NRG3: variants seen among roughly 807,000 people sequenced by gnomAD.
NRG3 encodes neuregulin 3.
NRG3 carries 31 observed loss-of-function variants against 66.9 expected under a neutral mutation model. The ratio of observed to expected loss-of-function variants is 0.46; its 90% CI spans 0.35 to 0.63. The LOEUF (loss-of-function observed/expected upper bound fraction) is 0.63. NRG3 is among the 20% of genes least tolerant of loss of function. The pLI, the probability that NRG3 is intolerant of heterozygous loss-of-function variation, is 0.00. For synonymous variants in NRG3, 393 were observed against 359.4 expected (o/e 1.09, Z -1.06); for missense variants, 910 against 878.9 (o/e 1.04, Z -0.45).
chr10:82,574,696 T>G (rs903591110), intron 2 of NRG3, among the ~76,000 whole-genome samples: 5 of 151,796 alleles, frequency 3.3e-5, no homozygotes, highest in African/African-American at 1.2e-4. Flanking sequence ...GTGGTATACA[T>G]ACATAATGCA....
At chr10:82,924,044 A>C (rs896107177) in intron 4 of NRG3, among the ~76,000 whole-genome samples, 1 of 146,374 alleles carries the variant, frequency 6.8e-6, no homozygotes, top group African/African-American at 2.5e-5. Context: ...AGCCGAGATC[A>C]TGCCAGTGTA....
intron 2 of NRG3, among the ~76,000 whole-genome samples, chr10:82,469,982 T>C (rs1841089676): frequency 6.6e-6 from 1 of 152,154 alleles, no homozygotes; most frequent in African/African-American, 2.4e-5. Flanking sequence ...ACCTAGTCAA[T>C]TGTACAAAAA....
At chr10:82,473,046 T>G (rs965482139) in intron 2 of NRG3, among the ~76,000 whole-genome samples, 1 of 152,180 alleles carries the variant, frequency 6.6e-6, no homozygotes, top group African/African-American at 2.4e-5. Flanking sequence ...CATAACAATA[T>G]ACCAACTTCA....
chr10:82,343,763 A>C (rs1184085517), intron 1 of NRG3, among the ~76,000 whole-genome samples: 1 of 152,044 alleles, frequency 6.6e-6, no homozygotes, highest in African/African-American at 2.4e-5. Context: ...CCACTGCTCA[A>C]ATCCCCCCTG....
At chr10:82,270,641 G>A (rs1328499551) in intron 1 of NRG3, among the ~76,000 whole-genome samples, 3 of 152,020 alleles carry the variant, frequency 2.0e-5, no homozygotes, top group Non-Finnish European at 4.4e-5. Context: ...TTGCCCTTCC[G>A]AAGGTATAGC....
chr10:82,113,832 G>C (rs1403072566), intron 1 of NRG3, among the ~76,000 whole-genome samples: 1 of 152,164 alleles, frequency 6.6e-6, no homozygotes, highest in African/African-American at 2.4e-5. Flanking sequence ...GCAAAATACA[G>C]TTCTATTTAG....
chr10:82,109,802 A>G (rs1278858688), intron 1 of NRG3, among the ~76,000 whole-genome samples: 1 of 152,132 alleles, frequency 6.6e-6, no homozygotes, highest in Non-Finnish European at 1.5e-5. Flanking sequence ...CAAATTCAGT[A>G]CTAGTATCCC....
intron 2 of NRG3, among the ~76,000 whole-genome samples, chr10:82,433,296 A>G (rs1291227880): frequency 6.6e-6 from 1 of 151,828 alleles, no homozygotes; most frequent in Non-Finnish European, 1.5e-5. Flanking sequence ...TCCTTTCCCC[A>G]TGTTTTGATG....
intron 2 of NRG3, among the ~76,000 whole-genome samples, chr10:82,666,141 C>T (rs2052762092): frequency 6.6e-6 from 1 of 152,196 alleles, no homozygotes; most frequent in Admixed American, 6.5e-5. Flanking sequence ...TACTTCTTTA[C>T]AGATCCATTT....
intron 1 of NRG3, among the ~76,000 whole-genome samples, chr10:82,162,648 G>A (rs7081526): frequency 0.066 from 10,107 of 152,066 alleles, 1,142 homozygotes; most frequent in African/African-American, 0.23. Context: ...AGCTTCCACC[G>A]CTTCTCAGCC....
intron 2 of NRG3, among the ~76,000 whole-genome samples, chr10:82,470,341 C>G (rs1159980425): frequency 2.6e-5 from 4 of 152,234 alleles, no homozygotes; most frequent in Non-Finnish European, 5.9e-5. Flanking sequence ...TGGGTAACTT[C>G]ACACAAGTGG....
At position 81,884,422 on chromosome 10, in the gene NRG3, G is replaced by C. The variant is rs930692949; in HGVS notation, c.823+8259G>C. 4.6e-5 allele frequency among the ~76,000 whole-genome samples: 7 copies of C among 152,210 alleles called. No individual in the cohort carries two copies. In the East Asian group the frequency reaches 1.4e-3, roughly 29 times the overall value. ...ATGTTGTTCTGAATGTTGTCTTCTT[G>C]TTTATTTTTTAAGTTTTGTTGATAT... On this transcript the variant is annotated intron_variant, in intron 1 of 8. Coordinates refer to ENST00000372141, the MANE Select transcript of NRG3 (RefSeq NM_001010848.4).
chr10:82,177,166 T>C (rs541107884), intron 1 of NRG3, among the ~76,000 whole-genome samples: 3 of 152,246 alleles, frequency 2.0e-5, no homozygotes, highest in African/African-American at 7.2e-5. Context: ...TTACTATCAT[T>C]TTTCAATTTA....
intron 3 of NRG3, among the ~76,000 whole-genome samples, chr10:82,744,992 G>A (rs2058584766): frequency 1.3e-5 from 2 of 152,156 alleles, no homozygotes. Context: ...TAAAAAGCAT[G>A]CAGCCTATTA....
chr10:82,524,872 C>T (rs1846536615), intron 2 of NRG3, among the ~76,000 whole-genome samples: 1 of 151,820 alleles, frequency 6.6e-6, no homozygotes, highest in Non-Finnish European at 1.5e-5. Flanking sequence ...GCATTTTCTA[C>T]ATTTTTATAT....
At chr10:82,330,916 A>C (rs981403630) in intron 1 of NRG3, among the ~76,000 whole-genome samples, 1 of 152,182 alleles carries the variant, frequency 6.6e-6, no homozygotes, top group African/African-American at 2.4e-5. Context: ...CTAGTGGTCT[A>C]GTCTGTGTTT....
At chr10:82,917,967 T>TATATA in intron 4 of NRG3, among the ~76,000 whole-genome samples, 1 of 81,882 alleles carries the variant, frequency 1.2e-5, no homozygotes, top group South Asian at 4.5e-4. Context: ...TGTGTGTGTG[T>TATATA]GTGTATATAT....
intron 1 of NRG3, among the ~76,000 whole-genome samples, chr10:82,333,304 G>A (rs934199157): frequency 8.5e-5 from 13 of 152,176 alleles, no homozygotes; most frequent in African/African-American, 2.9e-4. Context: ...AGAGTGATAC[G>A]TGTTCTACTA....
chr10:81,950,450 C>A (rs1163085814), intron 1 of NRG3, among the ~76,000 whole-genome samples: 1 of 152,132 alleles, frequency 6.6e-6, no homozygotes, highest in South Asian at 2.1e-4. Flanking sequence ...TCACTTCAGG[C>A]CAAACAAGGT....
Sources: gnomAD v4.1 joint callset for allele counts (sites outside exome capture counted in the v4.1 genomes callset) on GRCh38, gnomAD v4.1.1 for gene constraint, MANE v1.5 for transcripts, NCBI Gene and HGNC (gene_info 2026-07-23, HGNC 2026-07-21) for gene names.